The following CBX7 variants were observed in gnomAD, a reference collection of about 807,000 sequenced individuals.
The protein encoded by CBX7 is chromobox 7, also known as chromobox protein homolog 7.
Under a neutral mutation model 31.4 loss-of-function variants are expected in CBX7, and 14 were observed. The observed-to-expected ratio is 0.45, with a 90% CI of 0.29 to 0.70. The LOEUF is 0.70. CBX7 is among the 30% of genes least tolerant of loss of function. The pLI is 0.11. For synonymous variants in CBX7, 159 were observed against 152.6 expected (o/e 1.04, Z -0.31); for missense variants, 269 against 351.9 (o/e 0.76, Z 1.89).
intron 2 of CBX7, among the ~76,000 whole-genome samples, chr22:39,146,331 G>C (rs1433190269): frequency 6.6e-6 from 1 of 152,240 alleles, no homozygotes; most frequent in Non-Finnish European, 1.5e-5. Context: ...CCCCAGCCTG[G>C]GTGGAGACAG....
At chr22:39,137,658 A>G (rs922795035) in intron 4 of CBX7, among the ~76,000 whole-genome samples, 2 of 151,650 alleles carry the variant, frequency 1.3e-5, no homozygotes, top group African/African-American at 4.8e-5. Flanking sequence ...AGCATTTTGG[A>G]TTTTGGATCA....
intron 4 of CBX7, chr22:39,135,626 A>G (rs1930225409): frequency 6.6e-6 from 1 of 152,292 alleles, no homozygotes; most frequent in Admixed American, 6.5e-5. Context: ...GGTCCCACTC[A>G]CAGTCGTGCC....
At chr22:39,134,969 GC>G in intron 4 of CBX7, 1 of 532,166 alleles carries the variant, frequency 1.9e-6, no homozygotes, top group Non-Finnish European at 3.3e-6. Context: ...CTGCCTCTGG[GC>G]CCCACAGAGC....
intron 2 of CBX7, among the ~76,000 whole-genome samples, chr22:39,142,480 G>T (rs139396): frequency 0.42 from 63,264 of 151,962 alleles, 13,494 homozygotes; most frequent in African/African-American, 0.46. Flanking sequence ...TGCTACAGGG[G>T]ATCTTCTACC....
intron 2 of CBX7, among the ~76,000 whole-genome samples, chr22:39,143,930 G>A (rs916001735): frequency 6.6e-6 from 1 of 152,180 alleles, no homozygotes; most frequent in African/African-American, 2.4e-5. Flanking sequence ...ATTAACCGAC[G>A]TGTGACTGTG....
intron 2 of CBX7, chr22:39,149,436 C>T (rs1930774746): frequency 5.0e-6 from 2 of 400,510 alleles, no homozygotes; most frequent in Admixed American, 7.9e-5. Context: ...CAGCTGGGGT[C>T]CCCTCCTCCT....
chr22:39,136,606 ATGACTGCAGCCCAGCCAACACCT>A (rs1440051137), intron 4 of CBX7: 6 of 152,442 alleles, frequency 3.9e-5, no homozygotes, highest in Non-Finnish European at 8.8e-5. Context: ...GAGCCTGCAG[ATGACTGCAGCCCAGCCAACACCT>A]TGACTGCAGC....
Position 39,130,811 on chromosome 22 carries a change from A to AT in CBX7, c.*3079dup, listed in dbSNP as rs1038398226. The AT allele has an allele frequency of 1.3e-5, 2 of 152,508 alleles. No individual in the cohort carries two copies. Among genetic ancestry groups the AT allele is most frequent in the African/African-American group, 4.8e-5 (2 of 41,416 alleles). 9.4% of individuals were successfully genotyped at this position (152,508 alleles called of 1,614,324 possible). On this transcript the variant is annotated 3_prime_UTR_variant, in exon 6 of 6. Coordinates refer to ENST00000216133, the MANE Select transcript of CBX7 (RefSeq NM_175709.5). ...AATCATCTTTAATGTATTTTTAATAATTTTTTTGCCTCATTTACCAGATAA... is the reference window on the plus strand; with the variant it reads ...AATCATCTTTAATGTATTTTTAATAATTTTTTTTGCCTCATTTACCAGATAA...
chr22:39,146,109 G>A (rs1267202591), intron 2 of CBX7, among the ~76,000 whole-genome samples: 9 of 152,200 alleles, frequency 5.9e-5, no homozygotes, highest in Admixed American at 5.9e-4. Context: ...TGCGGGGTGC[G>A]GCCTCGTTCA....
chr22:39,134,415 G>T lies in CBX7; in HGVS notation c.584C>A (p.Pro195His), dbSNP rs745991164. The change falls in exon 5 of 6, where the codon CCC (proline) becomes CAC (histidine). Residue 195 changes from proline to histidine, a missense_variant. Transcript: ENST00000216133. Reference protein sequence around the residue: ...AAGEWEPAAQPPEEEADADLA... With the variant: ...AAGEWEPAAQHPEEEADADLA... ...GGCCGCCTTACCCTCCTCTTCAGGG[G>T]GCTGCGCAGCAGGCTCCCACTCGCC... is the stretch of plus-strand genomic sequence containing the variant. The T allele has an allele frequency of 6.2e-7, 1 of 1,600,090 alleles. No individual in the cohort carries two copies. The highest frequency in any genetic ancestry group is 8.5e-7 in the Non-Finnish European group (1 of 1,179,288).
intron 3 of CBX7, among the ~76,000 whole-genome samples, chr22:39,139,204 C>G (rs1193809724): frequency 6.6e-6 from 1 of 152,224 alleles, no homozygotes; most frequent in Non-Finnish European, 1.5e-5. Context: ...GGCTCCTACC[C>G]TGTCTGTCCC....
intron 5 of CBX7, 56 bp downstream of exon 5, chr22:39,134,345 T>TA: frequency 7.1e-7 from 1 of 1,408,982 alleles, no homozygotes; most frequent in Middle Eastern, 2.1e-4. Context: ...AGCTGGACCT[T>TA]ATGACCCATA....
At chr22:39,151,570 CAAAG>C (rs1296451407) in intron 1 of CBX7, among the ~76,000 whole-genome samples, 1 of 152,136 alleles carries the variant, frequency 6.6e-6, no homozygotes, top group African/African-American at 2.4e-5. Context: ...GAGGAGGAGA[CAAAG>C]GAAGGACAGT....
At chr22:39,138,240 T>C (rs1418547481) in intron 4 of CBX7, among the ~76,000 whole-genome samples, 1 of 151,748 alleles carries the variant, frequency 6.6e-6, no homozygotes, top group Non-Finnish European at 1.5e-5. Flanking sequence ...CAGCCTCTCA[T>C]GTTTCCTCAA....
intron 2 of CBX7, among the ~76,000 whole-genome samples, chr22:39,146,805 G>A (rs1205124542): frequency 6.6e-6 from 1 of 152,200 alleles, no homozygotes; most frequent in East Asian, 1.9e-4. Context: ...CTTCCAAAAC[G>A]ATGGAGAACC....
intron 2 of CBX7, 118 bp from the exon 3 acceptor site, chr22:39,141,554 G>A: frequency 1.4e-6 from 1 of 736,878 alleles, no homozygotes; most frequent in Admixed American, 2.9e-5. Flanking sequence ...TTCAAGACCA[G>A]CCTGGCCAAC....
intron 2 of CBX7, among the ~76,000 whole-genome samples, chr22:39,144,176 C>T (rs1394506745): frequency 6.6e-6 from 1 of 152,216 alleles, no homozygotes; most frequent in African/African-American, 2.4e-5. Context: ...GAATGCTCGC[C>T]TCCTTGCTTC....
chr22:39,150,766 G>A (rs1395415677), intron 1 of CBX7, among the ~76,000 whole-genome samples: 1 of 151,884 alleles, frequency 6.6e-6, no homozygotes, highest in Non-Finnish European at 1.5e-5. Context: ...TGAGATCTTG[G>A]TGCCAAGAAA....
At position 39,134,611 on chromosome 22, in the gene CBX7, G is replaced by T. The variant is rs1167184285; in HGVS notation, c.388C>A (p.Pro130Thr). The stretch of plus-strand genomic sequence containing the variant: ...GGGAAGGGCAGGGTGGGCACCAAGG[G>T]GCCCTTGTCCACCAGCTCAGGTGCC... ...AGAPELVDKG[P>T]LVPTLPFPLR... Residue 130 changes from proline (P) to threonine (T), a missense_variant, in exon 5 of 6, where the codon CCC becomes ACC. Around this residue, in one of 2 missense-constraint regions of CBX7, gnomAD observed 222 missense variants for 240.4 expected, o/e 0.92. Coordinates refer to ENST00000216133, the MANE Select transcript of CBX7 (RefSeq NM_175709.5). 3 of 1,587,768 alleles carry T rather than the reference G, an allele frequency of 1.9e-6. No homozygotes were observed. The highest frequency in any genetic ancestry group is 2.6e-6 in the Non-Finnish European group (3 of 1,167,096).
Sources: gnomAD v4.1 joint callset for allele counts (sites outside exome capture counted in the v4.1 genomes callset) on GRCh38, gnomAD v4.1.1 for gene constraint, gnomAD v4.1.1 regional missense constraint, MANE v1.5 for transcripts, NCBI Gene and HGNC (gene_info 2026-07-23, HGNC 2026-07-21) for gene names.